STK32C: variants seen among roughly 807,000 people sequenced by gnomAD.
The protein encoded by STK32C is serine/threonine-protein kinase 32C.
A neutral mutation model predicts 56.5 loss-of-function variants in STK32C; 31 were observed. That is an observed-to-expected ratio of 0.55 (90% CI 0.41 to 0.74). The LOEUF (loss-of-function observed/expected upper bound fraction) is 0.74. Among genes scored for constraint, STK32C ranks in the 30% least tolerant of loss-of-function variants. STK32C has a pLI of 0.00. For missense variants in STK32C, 544 were observed against 676.9 expected (o/e 0.80, Z 2.18); for synonymous variants, 309 against 289.4 (o/e 1.07, Z -0.69).
chr10:132,228,242 C>T (rs559718020), intron 2 of STK32C, 114 bp from the exon 3 acceptor site: 450 of 1,390,812 alleles, frequency 3.2e-4, no homozygotes, highest in Non-Finnish European at 4.2e-4. Context: ...CAAGGGGACA[C>T]CTGGGGACGC....
At chr10:132,249,367 G>C (rs941245530) in intron 1 of STK32C, among the ~76,000 whole-genome samples, 1 of 152,308 alleles carries the variant, frequency 6.6e-6, no homozygotes, top group African/African-American at 2.4e-5. Flanking sequence ...CCAAGTCCAA[G>C]ACAGCCATGC....
chr10:132,230,170 C>G (rs1159702984), intron 2 of STK32C, among the ~76,000 whole-genome samples: 1 of 152,240 alleles, frequency 6.6e-6, no homozygotes, highest in Non-Finnish European at 1.5e-5. Flanking sequence ...CGGGATTTCT[C>G]CTGAACTTCC....
chr10:132,282,536 T>C (rs944925598), intron 1 of STK32C, among the ~76,000 whole-genome samples: 1 of 150,518 alleles, frequency 6.6e-6, no homozygotes, highest in Non-Finnish European at 1.5e-5. Flanking sequence ...TGCCCACCTG[T>C]ACCTGCGCCT....
rs543805870 is a variant in STK32C at position 132,222,565 on chromosome 10, A to T, written c.1251+76T>A. On this transcript the variant is annotated intron_variant, in intron 10 of 11. Transcript: ENST00000298630. The stretch of plus-strand genomic sequence containing the variant: ...GACGTGTGCGCTGCCAGGGGTCCCC[A>T]CACGCCTTGCTCGGTGGTAGAGAGG... 5,501 of 1,564,234 alleles carry T rather than the reference A, an allele frequency of 3.5e-3. 12 individuals are homozygous for T. Among genetic ancestry groups the T allele is most frequent in the Non-Finnish European group, 3.5e-3 (4,019 of 1,161,574 alleles).
chr10:132,288,523 T>C (rs953996527), intron 1 of STK32C, among the ~76,000 whole-genome samples: 4 of 152,256 alleles, frequency 2.6e-5, no homozygotes, highest in African/African-American at 9.6e-5. Context: ...GACAGACATA[T>C]TCTACATCTT....
chr10:132,249,388 C>A (rs1177018294), intron 1 of STK32C, among the ~76,000 whole-genome samples: 1 of 152,172 alleles, frequency 6.6e-6, no homozygotes, highest in African/African-American at 2.4e-5. Flanking sequence ...AGATGCTGCT[C>A]AGGGAAGGTG....
chr10:132,282,142 C>T (rs983423825), intron 1 of STK32C, among the ~76,000 whole-genome samples: 14 of 152,240 alleles, frequency 9.2e-5, no homozygotes, highest in African/African-American at 1.9e-4. Flanking sequence ...TCAGCAGCCA[C>T]GCTACACTTG....
chr10:132,220,246 C>G (rs937968106), intron 10 of STK32C, among the ~76,000 whole-genome samples: 2 of 152,214 alleles, frequency 1.3e-5, no homozygotes, highest in African/African-American at 2.4e-5. Context: ...GCCGACCCCA[C>G]GCGGCAGCGA....
Position 132,255,729 on chromosome 10 carries a change from G to C in STK32C, c.263-9774C>G, listed in dbSNP as rs189186267. On this transcript the variant is annotated intron_variant, in intron 1 of 11. Transcript: ENST00000298630. The surrounding 1 kb of genome is among the most constrained non-coding windows in gnomAD (Gnocchi z 4.6). ...AGGAAGGTCAGAGATCAGGAGAGGGGATGAGGGTGTGGGTGCCGGCCTCTG... is the reference window on the plus strand; with the variant it reads ...AGGAAGGTCAGAGATCAGGAGAGGGCATGAGGGTGTGGGTGCCGGCCTCTG... Among the ~76,000 whole-genome samples the C allele has an allele frequency of 5.2e-3, 792 of 152,300 alleles. 2 individuals carry two copies. Among genetic ancestry groups the C allele is most frequent in the Middle Eastern group, 0.01 (3 of 294 alleles).
At chr10:132,245,274 T>C (rs2063646394) in intron 2 of STK32C, among the ~76,000 whole-genome samples, 2 of 152,220 alleles carry the variant, frequency 1.3e-5, no homozygotes, top group African/African-American at 4.8e-5. Context: ...CAGAAGTGAT[T>C]CATCCACAAC....
At chr10:132,209,501 G>C in intron 10 of STK32C, 1 of 356,676 alleles carries the variant, frequency 2.8e-6, no homozygotes, top group Non-Finnish European at 5.5e-6. Context: ...CCTGCTTCTG[G>C]GGCCCTGCCC....
At chr10:132,315,847 G>C (rs2066300057) in intron 1 of STK32C, among the ~76,000 whole-genome samples, 1 of 151,926 alleles carries the variant, frequency 6.6e-6, no homozygotes, top group Non-Finnish European at 1.5e-5. Context: ...AAATCTCAAA[G>C]GATTGAAATA....
intron 1 of STK32C, among the ~76,000 whole-genome samples, chr10:132,314,960 C>A (rs934220930): frequency 4.6e-5 from 7 of 152,128 alleles, no homozygotes; most frequent in Admixed American, 4.6e-4. Flanking sequence ...CACGGAGAAA[C>A]CCCATCTCTA....
chr10:132,241,831 G>A (rs1337966119), intron 2 of STK32C, among the ~76,000 whole-genome samples: 2 of 152,166 alleles, frequency 1.3e-5, no homozygotes, highest in South Asian at 2.1e-4. Context: ...TTCCAGCCAC[G>A]AGCAGCGGCT....
At chr10:132,277,084 T>A (rs990743779) in intron 1 of STK32C, among the ~76,000 whole-genome samples, 1 of 152,250 alleles carries the variant, frequency 6.6e-6, no homozygotes, top group Non-Finnish European at 1.5e-5. Flanking sequence ...AGACAGAGTG[T>A]AAGACTCTGT....
chr10:132,259,439 G>C (rs558511150), intron 1 of STK32C, among the ~76,000 whole-genome samples: 1 of 152,080 alleles, frequency 6.6e-6, no homozygotes, highest in Non-Finnish European at 1.5e-5. Context: ...TCGTGATAGT[G>C]AGTTCTCACG....
chr10:132,262,444 A>C (rs1180330930), intron 1 of STK32C, among the ~76,000 whole-genome samples: 1 of 152,222 alleles, frequency 6.6e-6, no homozygotes, highest in East Asian at 1.9e-4. Flanking sequence ...AGTGGAACCT[A>C]ATTAAGCTAA....
chr10:132,325,841 C>T (rs1590518680), intron 1 of STK32C, among the ~76,000 whole-genome samples: 1 of 151,712 alleles, frequency 6.6e-6, no homozygotes, highest in Admixed American at 6.6e-5. Context: ...CCTGACTCAG[C>T]CTCCAGAGTA....
At chr10:132,292,024 T>C (rs2065580603) in intron 1 of STK32C, among the ~76,000 whole-genome samples, 1 of 152,150 alleles carries the variant, frequency 6.6e-6, no homozygotes, top group African/African-American at 2.4e-5. Context: ...TCTCTAGACC[T>C]GGAGGCTTCC....
Sources: allele counts gnomAD v4.1 joint callset (sites outside exome capture counted in the v4.1 genomes callset), GRCh38; gene constraint gnomAD v4.1.1; non-coding constraint Gnocchi (gnomAD v3.1); transcripts MANE v1.5; gene names NCBI Gene and HGNC (gene_info 2026-07-23, HGNC 2026-07-21).